ZNF845: variants seen among roughly 807,000 people sequenced by gnomAD.
The protein encoded by ZNF845 is zinc finger protein 845.
A neutral mutation model predicts 76.1 loss-of-function variants in ZNF845; 59 were observed. That is an observed-to-expected ratio of 0.78 (90% CI 0.63 to 0.96). ZNF845 has a LOEUF of 0.96. Ranked by LOEUF, ZNF845 falls within the 40% of genes least tolerant of loss-of-function variation. The pLI is 0.00. For synonymous variants in ZNF845, 361 were observed against 386.9 expected, an observed-to-expected ratio of 0.93 and a Z score of 0.78; for missense variants, 1,045 against 1,172.8, an observed-to-expected ratio of 0.89 and a Z score of 1.59.
At chr19:53,343,461 G>A (rs10422675) in intron 2 of ZNF845, among the ~76,000 whole-genome samples, 71,009 of 151,980 alleles carry the variant, frequency 0.47, 17,789 homozygotes, top group African/African-American at 0.65. Context: ...CTTCTAGGAT[G>A]GGGCATTCCC....
At chr19:53,348,920 G>A (rs1174903602) in intron 3 of ZNF845, among the ~76,000 whole-genome samples, 1 of 136,340 alleles carries the variant, frequency 7.3e-6, no homozygotes, top group Non-Finnish European at 1.5e-5. Flanking sequence ...GCAGTGATGC[G>A]ATCTCGTCTC....
At chr19:53,337,668 A>C (rs2085225257) in intron 1 of ZNF845, among the ~76,000 whole-genome samples, 1 of 151,964 alleles carries the variant, frequency 6.6e-6, no homozygotes, top group African/African-American at 2.4e-5. Flanking sequence ...TCCCGGGTTA[A>C]AGTGATTCTC....
At chr19:53,344,805 A>G (rs1459188135) in intron 2 of ZNF845, among the ~76,000 whole-genome samples, 2 of 151,224 alleles carry the variant, frequency 1.3e-5, no homozygotes, top group African/African-American at 4.9e-5. Context: ...TGATTTTTGT[A>G]TTTTTTCTTT....
intron 2 of ZNF845, among the ~76,000 whole-genome samples, chr19:53,341,585 A>G (rs1381226299): frequency 6.6e-6 from 1 of 151,612 alleles, no homozygotes; most frequent in Non-Finnish European, 1.5e-5. Flanking sequence ...TGAGGGCCCC[A>G]TGGTGTCAGT....
rs769657227 is a variant in ZNF845 at position 53,353,018 on chromosome 19, C to CA, written c.2346dup (p.Ala783SerfsTer5). 1.0e-3 allele frequency: 1,625 copies of CA among 1,613,996 alleles called. 4 individuals are homozygous for CA. The highest frequency in any genetic ancestry group is 1.3e-3 in the Non-Finnish European group (1,501 of 1,179,944). ...AACCATACAAATGTAAGGTTTGTGA[C>CA]AAAGCTTTTGGGCGTGATTCACACC... On this transcript the variant is annotated frameshift_variant, in exon 4 of 4. Coordinates refer to ENST00000458035, the MANE Select transcript of ZNF845 (RefSeq NM_138374.3). LOFTEE classifies it high-confidence loss of function.
chr19:53,353,584 A>G lies in ZNF845; in HGVS notation c.2909A>G (p.His970Arg), dbSNP rs1163283193. 1.3e-6 allele frequency: 2 copies of G among 1,580,512 alleles called. No homozygotes were observed. The highest frequency in any genetic ancestry group is 1.7e-6 in the Non-Finnish European group (2 of 1,162,938). The change falls in exon 4 of 4, where the codon CAT becomes CGT. Residue 970 changes from histidine (H) to arginine (R), a missense_variant. His to Arg is a conservative substitution (Grantham distance 29). Coordinates refer to ENST00000458035, the MANE Select transcript of ZNF845 (RefSeq NM_138374.3). Reference protein sequence around the residue: ...RHHRIHTGKKH With the variant: ...RHHRIHTGKKR ...CATAGAATTCATACTGGAAAGAAAC[A>G]TTAGAAATATGAAGAATGTGACAAA... is the stretch of plus-strand genomic sequence containing the variant.
At chr19:53,345,915 G>T (rs1023112843) in intron 3 of ZNF845, among the ~76,000 whole-genome samples, 7 of 150,546 alleles carry the variant, frequency 4.6e-5, no homozygotes, top group Non-Finnish European at 8.9e-5. Flanking sequence ...GTCTTCCTGT[G>T]TTGTTGAAGC....
intron 3 of ZNF845, among the ~76,000 whole-genome samples, chr19:53,349,680 A>AT: frequency 6.6e-6 from 1 of 152,138 alleles, no homozygotes; most frequent in East Asian, 1.9e-4. Flanking sequence ...AATTTTTATG[A>AT]TTTTACATAA....
intron 3 of ZNF845, among the ~76,000 whole-genome samples, chr19:53,348,656 A>G (rs2085312802): frequency 6.6e-6 from 1 of 152,096 alleles, no homozygotes; most frequent in Non-Finnish European, 1.5e-5. Context: ...TTTATTGTGC[A>G]ATTTGTTATA....
chr19:53,343,087 G>C (rs1312275054), intron 2 of ZNF845, among the ~76,000 whole-genome samples: 1 of 152,078 alleles, frequency 6.6e-6, no homozygotes, highest in African/African-American at 2.4e-5. Context: ...CCAAAGTGCT[G>C]GGATTGCAAG....
At chr19:53,343,483 A>G (rs1261145403) in intron 2 of ZNF845, among the ~76,000 whole-genome samples, 1 of 152,234 alleles carries the variant, frequency 6.6e-6, no homozygotes, top group South Asian at 2.1e-4. Context: ...GTTTTCTTAG[A>G]TCTGACAAGA....
At position 53,353,247 on chromosome 19, in the gene ZNF845, C is replaced by A. The variant is rs1180268072; in HGVS notation, c.2572C>A (p.Pro858Thr). The change falls in exon 4 of 4, where the codon CCT (proline) becomes ACT (threonine). Residue 858 changes from proline to threonine, a missense_variant. Transcript: ENST00000458035. ...IHKAIHTGEK[P>T]YKCSECGKVF... ...TAAGGCAATTCATACTGGAGAAAAA[C>A]CTTACAAGTGTAGTGAATGTGGCAA... The A allele has an allele frequency of 1.4e-5, 22 of 1,613,618 alleles. No individual in the cohort carries two copies. The highest frequency in any genetic ancestry group is 3.3e-5 in the Admixed American group (2 of 59,968).
rs1001922154 is a variant in ZNF845 at position 53,348,846 on chromosome 19, A to G, written c.143-1972A>G. On this transcript the variant is annotated intron_variant, in intron 3 of 3. Coordinates refer to ENST00000458035, the MANE Select transcript of ZNF845 (RefSeq NM_138374.3). Reference sequence around the variant, plus strand: ...GTTGCACCTTCTGACATTGTTAGTCAATTTTTTTTTTTTTTTTTTTTTTTT... The same window carrying G: ...GTTGCACCTTCTGACATTGTTAGTCGATTTTTTTTTTTTTTTTTTTTTTTT... Among the ~76,000 whole-genome samples the G allele has an allele frequency of 2.8e-4, 37 of 133,842 alleles. 1 individual carries two copies. The highest frequency in any genetic ancestry group is 9.8e-4 in the African/African-American group (34 of 34,636). The allele number at this position is 133,842 out of a possible 152,430, so 87.8% of individuals were successfully genotyped here.
chr19:53,335,930 C>T (rs117329441), intron 1 of ZNF845, among the ~76,000 whole-genome samples: 2,743 of 151,814 alleles, frequency 0.018, 48 homozygotes, highest in Admixed American at 0.033. Flanking sequence ...GACATCAGGG[C>T]GTAGTGGCTC....
At chr19:53,343,539 G>A (rs1472906635) in intron 2 of ZNF845, among the ~76,000 whole-genome samples, 1 of 152,094 alleles carries the variant, frequency 6.6e-6, no homozygotes, top group Non-Finnish European at 1.5e-5. Context: ...CTACCAAGAT[G>A]TGATTCTTCT....
chr19:53,336,636 T>TC lies in ZNF845; in HGVS notation c.-74+2844_-74+2845insC, dbSNP rs796952505. ...CTCTTCCTTCCTTTCTTTCTTTCTT[T>TC]TTTTTTTTTTTTTTTTTGCAGTTTT... On this transcript the variant is annotated intron_variant, in intron 1 of 3. Transcript: ENST00000458035. 7.0e-3 allele frequency among the ~76,000 whole-genome samples: 810 copies of TC among 115,322 alleles called. 3 individuals carry two copies. The highest frequency in any genetic ancestry group is 0.012 in the Admixed American group (121 of 9,870). 75.7% of individuals were successfully genotyped at this position (115,322 alleles called of 152,430 possible).
At chr19:53,348,514 C>T (rs778306357) in intron 3 of ZNF845, among the ~76,000 whole-genome samples, 3 of 152,154 alleles carry the variant, frequency 2.0e-5, no homozygotes, top group Non-Finnish European at 1.5e-5. Context: ...CATGAGTAGT[C>T]AACACCCATG....
In ZNF845 at chr19:53,356,478, A is replaced by C. The variant is rs1413048623; in HGVS notation, c.*2890A>C. On this transcript the variant is annotated 3_prime_UTR_variant, in exon 4 of 4. Coordinates refer to ENST00000458035, the MANE Select transcript of ZNF845 (RefSeq NM_138374.3). ...AGTTGAAGCAGGGATTTTGAGGCTG[A>C]AGTGAGCCCTGATCTCACCACTGCA... is the stretch of plus-strand genomic sequence containing the variant. 1 of 152,240 alleles carries C rather than the reference A, an allele frequency of 6.6e-6. No homozygotes were observed. Among genetic ancestry groups the C allele is most frequent in the Non-Finnish European group, 1.5e-5 (1 of 68,142 alleles). 9.4% of individuals were successfully genotyped at this position (152,240 alleles called of 1,614,324 possible). A position where few individuals can be genotyped will look rare whatever the true frequency, so the allele number is the denominator to read the frequency against.
chr19:53,347,442 G>GTT (rs11353009), intron 3 of ZNF845, among the ~76,000 whole-genome samples: 2 of 147,804 alleles, frequency 1.4e-5, no homozygotes, highest in Non-Finnish European at 1.5e-5. Flanking sequence ...ACACCTGGCT[G>GTT]TTTTTTTTTT....
Sources: gnomAD v4.1 joint callset for allele counts (sites outside exome capture counted in the v4.1 genomes callset) on GRCh38, gnomAD v4.1.1 for gene constraint, MANE v1.5 for transcripts, NCBI Gene and HGNC (gene_info 2026-07-23, HGNC 2026-07-21) for gene names.